The following LCOR variants were observed in gnomAD, a reference collection of about 807,000 sequenced individuals.
LCOR encodes ligand dependent nuclear receptor corepressor.
LCOR carries 14 observed loss-of-function variants against 64.4 expected under a neutral mutation model. The observed-to-expected ratio is 0.22, with a 90% CI of 0.14 to 0.34. LCOR has a LOEUF of 0.34. Among genes scored for constraint, LCOR ranks in the 10% least tolerant of loss-of-function variants. The pLI is 1.00. For missense variants in LCOR, 1,686 were observed against 1,765.3 expected (o/e 0.96, Z 0.80); for synonymous variants, 643 against 642.5 (o/e 1.00, Z -0.01).
chr10:96,879,291 C>G (rs1287203566), intron 2 of LCOR, among the ~76,000 whole-genome samples: 1 of 152,172 alleles, frequency 6.6e-6, no homozygotes, highest in Non-Finnish European at 1.5e-5. Context: ...AGAACTAGGA[C>G]TTGAACCCAC....
At chr10:96,899,465 A>G (rs1846597204) in intron 2 of LCOR, among the ~76,000 whole-genome samples, 2 of 152,140 alleles carry the variant, frequency 1.3e-5, no homozygotes. Context: ...AAGGTAATGC[A>G]TAGTTATTTT....
In LCOR at chr10:96,970,653, A is replaced by T. The variant is rs867581283; in HGVS notation, c.333-10140A>T. Reference sequence around the variant, plus strand: ...ATTTTATTTTATTTTATTTTATTTTATTTATTTTATTTTATTTTATTTTAG... The same window carrying T: ...ATTTTATTTTATTTTATTTTATTTTTTTTATTTTATTTTATTTTATTTTAG... On this transcript the variant is annotated intron_variant, in intron 7 of 7. Coordinates refer to ENST00000421806, the MANE Select transcript of LCOR (RefSeq NM_001346516.2). Among the ~76,000 whole-genome samples the T allele has an allele frequency of 7.4e-3, 1,045 of 140,838 alleles. 15 individuals are homozygous for T. Among genetic ancestry groups the T allele is most frequent in the African/African-American group, 0.026 (990 of 37,928 alleles). The allele number at this position is 140,838 out of a possible 152,430, so 92.4% of individuals were successfully genotyped here.
At chr10:96,874,282 G>A (rs181688832) in intron 2 of LCOR, among the ~76,000 whole-genome samples, 35 of 152,196 alleles carry the variant, frequency 2.3e-4, no homozygotes, top group South Asian at 8.3e-4. Context: ...TGATTCTTGC[G>A]TAACTGTATT....
At chr10:96,933,005 A>T (rs1049518427) in intron 4 of LCOR, among the ~76,000 whole-genome samples, 5 of 152,252 alleles carry the variant, frequency 3.3e-5, no homozygotes, top group Non-Finnish European at 5.9e-5. Flanking sequence ...GTAACAAAAT[A>T]AAAAACTGGT....
chr10:96,868,921 T>TTTTTGA (rs1420228727), intron 2 of LCOR, among the ~76,000 whole-genome samples: 3 of 152,140 alleles, frequency 2.0e-5, no homozygotes, highest in South Asian at 2.1e-4. Context: ...TTGTTGTTGT[T>TTTTTGA]TTTTGAGAGA....
chr10:96,840,128 C>CT (rs2134363002), intron 2 of LCOR, among the ~76,000 whole-genome samples: 1 of 152,308 alleles, frequency 6.6e-6, no homozygotes, highest in Non-Finnish European at 1.5e-5. Flanking sequence ...AAGGATGAAA[C>CT]TAAGTATCTT....
intron 7 of LCOR, chr10:96,960,790 A>G (rs1847866939): frequency 6.6e-6 from 1 of 152,196 alleles, no homozygotes; most frequent in Non-Finnish European, 1.5e-5. Context: ...AAAATCTGAA[A>G]AGGAAAAAAG....
chr10:96,952,350 A>G (rs142017670), intron 7 of LCOR, among the ~76,000 whole-genome samples, 154 bp downstream of exon 7: 140 of 152,364 alleles, frequency 9.2e-4, no homozygotes, highest in Non-Finnish European at 1.6e-3. Flanking sequence ...AATCTGTGCA[A>G]TGTAAAATTG....
chr10:96,965,001 A>G (rs1191268911), intron 7 of LCOR, among the ~76,000 whole-genome samples: 1 of 151,974 alleles, frequency 6.6e-6, no homozygotes, highest in Non-Finnish European at 1.5e-5. Flanking sequence ...ATGTTGCTCA[A>G]CATTTAAAAA....
At chr10:96,832,472 C>G (rs1316176589) in intron 1 of LCOR, 73 bp downstream of exon 1, 1 of 529,322 alleles carries the variant, frequency 1.9e-6, no homozygotes, top group Non-Finnish European at 2.4e-6. Context: ...AGGGAGGAAG[C>G]TGGGGAAGTG....
At chr10:96,856,105 C>G (rs1478218538) in intron 2 of LCOR, among the ~76,000 whole-genome samples, 1 of 151,548 alleles carries the variant, frequency 6.6e-6, no homozygotes, top group East Asian at 1.9e-4. Context: ...GAGTCTCGCT[C>G]TGTTGCCCAG....
chr10:96,898,226 G>A (rs563090024), intron 2 of LCOR, among the ~76,000 whole-genome samples: 4 of 152,284 alleles, frequency 2.6e-5, no homozygotes, highest in African/African-American at 9.6e-5. Flanking sequence ...TATGGGGTGA[G>A]ATGGGGATAC....
At chr10:96,855,311 C>G (rs1329020774) in intron 2 of LCOR, among the ~76,000 whole-genome samples, 1 of 152,020 alleles carries the variant, frequency 6.6e-6, no homozygotes, top group East Asian at 1.9e-4. Flanking sequence ...TCCAGCTGTG[C>G]ATGCTCTAAA....
rs1372548384 is a variant in LCOR, at chr10:96,985,528, AT to A, written c.*395del. 5.9e-6 allele frequency: 1 copy of A among 170,320 alleles called. No individual in the cohort carries two copies. Among genetic ancestry groups the A allele is most frequent in the Admixed American group, 6.5e-5 (1 of 15,472 alleles). 10.6% of individuals were successfully genotyped at this position (170,320 alleles called of 1,614,324 possible). ...TACTGTAGCCGAGAAGACCACCATC[AT>A]GCACATAAAAGGAGCTTTTCAGCAG... On this transcript the variant is annotated 3_prime_UTR_variant, in exon 8 of 8. Transcript: ENST00000421806.
intron 4 of LCOR, among the ~76,000 whole-genome samples, chr10:96,938,780 C>T (rs1847396606): frequency 6.6e-6 from 1 of 151,970 alleles, no homozygotes; most frequent in South Asian, 2.1e-4. Flanking sequence ...GTTCTGTTTA[C>T]AGTAGCATCA....
At chr10:96,955,864 T>A (rs759702231) in intron 7 of LCOR, 3 of 1,613,982 alleles carry the variant, frequency 1.9e-6, no homozygotes, top group Non-Finnish European at 2.5e-6. Flanking sequence ...TCTGTAAAGA[T>A]TGAATTAGAT....
chr10:96,989,695 A>ATTTTTTTT lies in LCOR; in HGVS notation c.*4578_*4585dup, dbSNP rs58390684. 2 of 86,160 alleles carry ATTTTTTTT rather than the reference A, an allele frequency of 2.3e-5. No homozygotes were observed. Among genetic ancestry groups the ATTTTTTTT allele is most frequent in the East Asian group, 3.8e-4 (1 of 2,600 alleles). 5.3% of individuals were successfully genotyped at this position (86,160 alleles called of 1,614,324 possible). On this transcript the variant is annotated 3_prime_UTR_variant, in exon 8 of 8. Transcript: ENST00000421806. Reference sequence around the variant, plus strand: ...TAAGGATATATATATATATATATATATTTTTTTTTTTTTTTTTTTTTTTTA... The same window carrying ATTTTTTTT: ...TAAGGATATATATATATATATATATATTTTTTTTTTTTTTTTTTTTTTTTTTTTTTTTA...
intron 2 of LCOR, among the ~76,000 whole-genome samples, chr10:96,833,795 TA>T (rs1298475765): frequency 1.3e-5 from 2 of 152,248 alleles, no homozygotes; most frequent in African/African-American, 4.8e-5. Context: ...TGGAAGGAAT[TA>T]TGCAAATCCT....
chr10:96,868,264 T>C (rs1846010782), intron 2 of LCOR, among the ~76,000 whole-genome samples: 2 of 149,202 alleles, frequency 1.3e-5, no homozygotes. Context: ...TACTTTTTTC[T>C]TTTCTTTTCT....
Sources: allele counts gnomAD v4.1 joint callset (sites outside exome capture counted in the v4.1 genomes callset), GRCh38; gene constraint gnomAD v4.1.1; transcripts MANE v1.5; gene names NCBI Gene and HGNC (gene_info 2026-07-23, HGNC 2026-07-21).